Variants in AK9 observed in about 807,000 individuals in gnomAD.
The protein encoded by AK9 is adenylate kinase domain containing 1.
In AK9, 191 loss-of-function variants were observed where a neutral mutation model predicts 239.6. The observed-to-expected ratio is 0.80, with a 90% CI of 0.71 to 0.90. AK9 has a LOEUF of 0.90. Ranked by LOEUF, AK9 falls within the 40% of genes least tolerant of loss-of-function variation. The pLI is 0.00. For synonymous variants in AK9, 689 were observed against 721.0 expected, an observed-to-expected ratio of 0.96 and a Z score of 0.71; for missense variants, 1,995 against 2,214.7, an observed-to-expected ratio of 0.90 and a Z score of 1.99.
intron 26 of AK9, among the ~76,000 whole-genome samples, chr6:109,545,282 A>G (rs144206431): frequency 6.6e-6 from 1 of 152,290 alleles, no homozygotes; most frequent in Non-Finnish European, 1.5e-5. Flanking sequence ...CTCTACAAAA[A>G]ATACCAAAAC....
intron 26 of AK9, among the ~76,000 whole-genome samples, chr6:109,542,550 C>A (rs961583072): frequency 2.0e-5 from 3 of 152,098 alleles, no homozygotes; most frequent in Admixed American, 2.0e-4. Context: ...CTTATACATT[C>A]TATGTGTGTA....
chr6:109,610,055 A>G (rs1359710885), intron 17 of AK9, among the ~76,000 whole-genome samples: 1 of 152,240 alleles, frequency 6.6e-6, no homozygotes, highest in Non-Finnish European at 1.5e-5. Flanking sequence ...TTTGGTACCT[A>G]GTACCAATAT....
At chr6:109,499,322 T>G (rs1179718524) in intron 35 of AK9, 82 bp from the exon 36 acceptor site, 1 of 1,129,184 alleles carries the variant, frequency 8.9e-7, no homozygotes, top group Non-Finnish European at 1.2e-6. Context: ...ATAATTTTAA[T>G]TACACAGCAC....
intron 3 of AK9, among the ~76,000 whole-genome samples, chr6:109,672,882 T>C (rs748911484): frequency 1.3e-5 from 2 of 152,184 alleles, no homozygotes; most frequent in African/African-American, 4.8e-5. Context: ...CAGATTTTCA[T>C]AACCATACAA....
chr6:109,536,700 T>A (rs888132346), intron 27 of AK9, among the ~76,000 whole-genome samples: 2 of 152,208 alleles, frequency 1.3e-5, no homozygotes, highest in Non-Finnish European at 2.9e-5. Flanking sequence ...AAGGGAATGC[T>A]TCCAGTTTTT....
chr6:109,619,321 TC>T, intron 12 of AK9, 85 bp from the exon 13 acceptor site: 1 of 1,311,444 alleles, frequency 7.6e-7, no homozygotes, highest in Non-Finnish European at 1.0e-6. Context: ...TGTATATCTA[TC>T]TATATTTCTA....
chr6:109,633,608 T>A (rs1380351759), intron 10 of AK9, among the ~76,000 whole-genome samples: 1 of 152,186 alleles, frequency 6.6e-6, no homozygotes, highest in African/African-American at 2.4e-5. Context: ...GCAATTTCTA[T>A]CATATGGTAA....
intron 19 of AK9, among the ~76,000 whole-genome samples, chr6:109,583,551 T>G (rs1442084401): frequency 6.6e-6 from 1 of 152,124 alleles, no homozygotes; most frequent in Non-Finnish European, 1.5e-5. Flanking sequence ...GGAAAAAAGT[T>G]TGTTTTGAAA....
intron 12 of AK9, among the ~76,000 whole-genome samples, chr6:109,623,723 T>A (rs1795138871): frequency 6.6e-6 from 1 of 152,164 alleles, no homozygotes; most frequent in African/African-American, 2.4e-5. Context: ...ATACTCAGTA[T>A]TTTCCTCTGT....
intron 17 of AK9, among the ~76,000 whole-genome samples, chr6:109,602,355 A>G (rs1191873782): frequency 6.6e-6 from 1 of 152,112 alleles, no homozygotes; most frequent in African/African-American, 2.4e-5. Flanking sequence ...CTGGATATGA[A>G]ATTCTGGGTT....
intron 21 of AK9, among the ~76,000 whole-genome samples, chr6:109,571,499 A>G (rs1292512641): frequency 6.6e-6 from 1 of 152,160 alleles, no homozygotes; most frequent in Non-Finnish European, 1.5e-5. Context: ...ACAAAACACC[A>G]TTCTTAAAAA....
intron 24 of AK9, among the ~76,000 whole-genome samples, chr6:109,552,277 G>A (rs1184319725): frequency 6.6e-6 from 1 of 152,074 alleles, no homozygotes. Flanking sequence ...TTGAGGAATC[G>A]CCACACTGTG....
chr6:109,530,862 G>A (rs1236136523), intron 28 of AK9, among the ~76,000 whole-genome samples: 4 of 152,084 alleles, frequency 2.6e-5, no homozygotes, highest in African/African-American at 9.7e-5. Context: ...GGCCAACATG[G>A]TGAAACCCCG....
chr6:109,649,894 C>G (rs1251536579), intron 8 of AK9, among the ~76,000 whole-genome samples: 1 of 152,010 alleles, frequency 6.6e-6, no homozygotes, highest in African/African-American at 2.4e-5. Context: ...GAGATATAGA[C>G]CAATGGAACA....
chr6:109,660,302 C>A (rs1162297017), intron 6 of AK9, among the ~76,000 whole-genome samples: 1 of 152,126 alleles, frequency 6.6e-6, no homozygotes, highest in Non-Finnish European at 1.5e-5. Flanking sequence ...GTGATTCTGA[C>A]ATATGAGCAT....
chr6:109,671,891 G>A (rs763307244), intron 5 of AK9, 28 bp downstream of exon 5: 2 of 1,596,156 alleles, frequency 1.3e-6, no homozygotes, highest in Non-Finnish European at 8.6e-7. Context: ...CTGCTTTGTG[G>A]GCTGTAAATA....
At chr6:109,511,058 T>C (rs540216157) in intron 32 of AK9, among the ~76,000 whole-genome samples, 3 of 133,608 alleles carry the variant, frequency 2.2e-5, no homozygotes, top group African/African-American at 9.3e-5. Context: ...CCAAATCTGC[T>C]TGTTTTTTTT....
intron 8 of AK9, among the ~76,000 whole-genome samples, chr6:109,648,280 C>A (rs1798367542): frequency 6.6e-6 from 1 of 152,000 alleles, no homozygotes; most frequent in Non-Finnish European, 1.5e-5. Context: ...AAAAATCCTT[C>A]AAAAAATCAA....
chr6:109,606,903 A>G (rs1349726211), intron 17 of AK9, among the ~76,000 whole-genome samples: 1 of 152,206 alleles, frequency 6.6e-6, no homozygotes, highest in Non-Finnish European at 1.5e-5. Flanking sequence ...TTATTTCTAT[A>G]TTTTTAAGGC....
Sources: allele counts gnomAD v4.1 joint callset (sites outside exome capture counted in the v4.1 genomes callset), GRCh38; gene constraint gnomAD v4.1.1; transcripts MANE v1.5; gene names NCBI Gene and HGNC (gene_info 2026-07-23, HGNC 2026-07-21).